The following INPP4B variants were observed in gnomAD, a reference collection of about 807,000 sequenced individuals.
INPP4B encodes inositol polyphosphate-4-phosphatase type II B.
In INPP4B, 55 loss-of-function variants were observed where a neutral mutation model predicts 122.5. That is an observed-to-expected ratio of 0.45 (90% confidence interval 0.36 to 0.56). INPP4B has a LOEUF of 0.56. Among genes scored for constraint, INPP4B ranks in the 20% least tolerant of loss-of-function variants. The pLI is 0.00. For synonymous variants in INPP4B, 403 were observed against 388.7 expected, an observed-to-expected ratio of 1.04 and a Z score of -0.43; for missense variants, 1,000 against 1,097.7, an observed-to-expected ratio of 0.91 and a Z score of 1.26.
chr4:142,733,155 A>G (rs1397467995), intron 1 of INPP4B, among the ~76,000 whole-genome samples: 1 of 152,164 alleles, frequency 6.6e-6, no homozygotes, highest in African/African-American at 2.4e-5. Context: ...TCCTACATAT[A>G]CAAAAATCAT....
intron 2 of INPP4B, among the ~76,000 whole-genome samples, chr4:142,653,538 C>T (rs1753479354): frequency 6.6e-6 from 1 of 151,262 alleles, no homozygotes. Context: ...AAAAAAACAA[C>T]CCCATCAAAA....
intron 2 of INPP4B, among the ~76,000 whole-genome samples, chr4:142,595,212 C>A (rs1738441736): frequency 6.6e-6 from 1 of 151,916 alleles, no homozygotes; most frequent in Non-Finnish European, 1.5e-5. Flanking sequence ...AGCATTTACT[C>A]TCTTAGTGGT....
At chr4:142,391,305 C>T (rs1797584254) in intron 7 of INPP4B, among the ~76,000 whole-genome samples, 1 of 152,200 alleles carries the variant, frequency 6.6e-6, no homozygotes, top group South Asian at 2.1e-4. Context: ...TGCCTCTAAT[C>T]CCAGCACTCT....
rs1015785697 is a variant in INPP4B, at chr4:142,024,752, T to C, written c.*4030A>G. 1 of 152,164 alleles carries C rather than the reference T, an allele frequency of 6.6e-6. No individual in the cohort carries two copies. Among genetic ancestry groups the C allele is most frequent in the Admixed American group, 6.6e-5 (1 of 15,266 alleles). The allele number at this position is 152,164 out of a possible 1,614,324, so 9.4% of individuals were successfully genotyped here. A position where few individuals can be genotyped will look rare whatever the true frequency, so the allele number is the denominator to read the frequency against. On this transcript the variant is annotated 3_prime_UTR_variant, in exon 26 of 26. Transcript: ENST00000262992. ...TCCTACTTTTAGCAAATGCCAAAATTATAAACTCCAAAATAGATGGTGAAG... is the reference window on the plus strand; with the variant it reads ...TCCTACTTTTAGCAAATGCCAAAATCATAAACTCCAAAATAGATGGTGAAG...
At chr4:142,089,060 G>A (rs1778182690) in intron 23 of INPP4B, among the ~76,000 whole-genome samples, 1 of 152,170 alleles carries the variant, frequency 6.6e-6, no homozygotes, top group Admixed American at 6.5e-5. Context: ...CACGAGGCAT[G>A]AGCCAGTACT....
At chr4:142,178,350 C>T (rs187321280) in intron 15 of INPP4B, among the ~76,000 whole-genome samples, 51 of 152,278 alleles carry the variant, frequency 3.3e-4, no homozygotes, top group Admixed American at 7.8e-4. Context: ...AACTGGTTTC[C>T]GTATCTCTAT....
intron 2 of INPP4B, among the ~76,000 whole-genome samples, chr4:142,563,922 C>G (rs1037994411): frequency 6.6e-6 from 1 of 152,112 alleles, no homozygotes; most frequent in African/African-American, 2.4e-5. Context: ...AGCAGCTGCC[C>G]ACCTACACAT....
chr4:142,040,805 A>G (rs1245438334), intron 25 of INPP4B, among the ~76,000 whole-genome samples: 1 of 152,184 alleles, frequency 6.6e-6, no homozygotes, highest in Non-Finnish European at 1.5e-5. Flanking sequence ...TTTGTTGCTA[A>G]GGTACTTTAA....
intron 2 of INPP4B, among the ~76,000 whole-genome samples, chr4:142,642,167 C>A (rs1285985313): frequency 1.3e-5 from 2 of 151,734 alleles, no homozygotes; most frequent in Admixed American, 6.6e-5. Context: ...CTGGATATTA[C>A]CCCTTTGTCA....
intron 25 of INPP4B, among the ~76,000 whole-genome samples, chr4:142,078,541 T>C (rs72940967): frequency 7.9e-5 from 12 of 152,128 alleles, no homozygotes; most frequent in African/African-American, 2.9e-4. Flanking sequence ...AATATAGTAG[T>C]GAACAAAGAG....
At chr4:142,698,166 A>G (rs1431941261) in intron 2 of INPP4B, among the ~76,000 whole-genome samples, 8 of 152,184 alleles carry the variant, frequency 5.3e-5, no homozygotes, top group African/African-American at 1.9e-4. Flanking sequence ...TAGCATGAAC[A>G]TGCCCTTACC....
chr4:142,113,816 A>C (rs1791502398), intron 21 of INPP4B, among the ~76,000 whole-genome samples: 1 of 152,026 alleles, frequency 6.6e-6, no homozygotes, highest in Non-Finnish European at 1.5e-5. Flanking sequence ...CAGCTTTATT[A>C]AGAAATTGAT....
At chr4:142,764,542 C>A (rs1018102989) in intron 1 of INPP4B, among the ~76,000 whole-genome samples, 2 of 152,098 alleles carry the variant, frequency 1.3e-5, no homozygotes, top group African/African-American at 4.8e-5. Context: ...TGAACATAAC[C>A]ATCTTGTTTT....
chr4:142,799,215 T>C (rs944275242), intron 1 of INPP4B, among the ~76,000 whole-genome samples: 23 of 151,946 alleles, frequency 1.5e-4, no homozygotes, highest in Non-Finnish European at 2.9e-4. Context: ...GTTCTGCTTT[T>C]CCCCATATAT....
intron 9 of INPP4B, among the ~76,000 whole-genome samples, chr4:142,288,985 T>C (rs1470283142): frequency 6.6e-6 from 1 of 152,218 alleles, no homozygotes; most frequent in African/African-American, 2.4e-5. Flanking sequence ...GCTTCACTGA[T>C]TCAGTTTTCT....
At chr4:142,597,818 G>A (rs1013106881) in intron 2 of INPP4B, among the ~76,000 whole-genome samples, 2 of 152,036 alleles carry the variant, frequency 1.3e-5, no homozygotes, top group Non-Finnish European at 2.9e-5. Flanking sequence ...TCCAAGCTGG[G>A]AGCTAATTCC....
At chr4:142,555,870 C>CAAAA (rs554216004) in intron 2 of INPP4B, among the ~76,000 whole-genome samples, 10 of 125,596 alleles carry the variant, frequency 8.0e-5, no homozygotes, top group East Asian at 2.6e-4. Flanking sequence ...GACTCTGTCT[C>CAAAA]AAAAAAAAAA....
intron 1 of INPP4B, among the ~76,000 whole-genome samples, chr4:142,792,885 G>T (rs1248945653): frequency 6.6e-6 from 1 of 152,032 alleles, no homozygotes; most frequent in Non-Finnish European, 1.5e-5. Context: ...ATTATCAAAA[G>T]TAGATCTCAA....
At chr4:142,128,933 A>C (rs1799957576) in intron 18 of INPP4B, among the ~76,000 whole-genome samples, 1 of 152,186 alleles carries the variant, frequency 6.6e-6, no homozygotes, top group Non-Finnish European at 1.5e-5. Flanking sequence ...TTTCTGAGCC[A>C]TTCTCTTCTC....
Sources: allele counts gnomAD v4.1 joint callset (sites outside exome capture counted in the v4.1 genomes callset), GRCh38; gene constraint gnomAD v4.1.1; transcripts MANE v1.5; gene names NCBI Gene and HGNC (gene_info 2026-07-23, HGNC 2026-07-21).